The following NTRK2 variants were observed in gnomAD, a reference collection of about 807,000 sequenced individuals.
NTRK2 encodes the protein BDNF/NT-3 growth factors receptor.
In NTRK2, 13 loss-of-function variants were observed where a neutral mutation model predicts 94.5. The ratio of observed to expected loss-of-function variants is 0.14; its 90% CI spans 0.09 to 0.22. The LOEUF (loss-of-function observed/expected upper bound fraction) is 0.22, where lower values mean the gene tolerates loss of function less well. Among genes scored for constraint, NTRK2 ranks in the 10% least tolerant of loss-of-function variants. The pLI is 1.00. For missense variants in NTRK2, 639 were observed against 1,071.2 expected (o/e 0.60, Z 5.63); for synonymous variants, 372 against 407.4 (o/e 0.91, Z 1.05).
At chr9:84,860,971 A>G (rs951460734) in intron 12 of NTRK2, 69 bp from the exon 13 acceptor site, 2 of 1,089,266 alleles carry the variant, frequency 1.8e-6, no homozygotes, top group Admixed American at 1.7e-5. Flanking sequence ...TTGACCAAGG[A>G]CAGTGTTGAC....
At chr9:84,949,393 A>G (rs560147933) in intron 16 of NTRK2, among the ~76,000 whole-genome samples, 2 of 152,302 alleles carry the variant, frequency 1.3e-5, no homozygotes, top group African/African-American at 4.8e-5. Context: ...TCACTGGGCT[A>G]TTGATTAGGG....
rs75688177 is a variant in NTRK2 at position 84,851,825 on chromosome 9, C to T, written c.1397-9215C>T. 5.7e-3 allele frequency among the ~76,000 whole-genome samples: 863 copies of T among 152,190 alleles called. 14 individuals are homozygous for T. The highest frequency in any genetic ancestry group is 0.039 in the Admixed American group (590 of 15,290). On this transcript the variant is annotated intron_variant, in intron 12 of 18. Transcript: ENST00000277120. ...ATACAATGGCAAAAAGTTTCCTGTGCGGTGCTTTGCATGAGCTACAACAAA... is the reference window on the plus strand; with the variant it reads ...ATACAATGGCAAAAAGTTTCCTGTGTGGTGCTTTGCATGAGCTACAACAAA...
At chr9:84,753,681 C>A (rs1223873395) in intron 12 of NTRK2, among the ~76,000 whole-genome samples, 1 of 152,196 alleles carries the variant, frequency 6.6e-6, no homozygotes, top group African/African-American at 2.4e-5. Context: ...CCGCACCCTA[C>A]CATGGCATTT....
At chr9:84,808,857 G>A (rs2071421168) in intron 12 of NTRK2, among the ~76,000 whole-genome samples, 2 of 152,200 alleles carry the variant, frequency 1.3e-5, no homozygotes, top group South Asian at 4.1e-4. Context: ...ATTGGTGGTG[G>A]TACTTACGGT....
chr9:84,914,350 A>G (rs889523122), intron 14 of NTRK2, among the ~76,000 whole-genome samples: 5 of 152,156 alleles, frequency 3.3e-5, no homozygotes, highest in Non-Finnish European at 5.9e-5. Context: ...TGTTCTTTTT[A>G]AACTTCAGTT....
chr9:84,900,534 G>C (rs899224665), intron 14 of NTRK2, among the ~76,000 whole-genome samples: 17 of 152,178 alleles, frequency 1.1e-4, no homozygotes, highest in African/African-American at 3.9e-4. Context: ...GGCATCTGTG[G>C]TTTCCTGTTC....
At chr9:84,701,778 T>C (rs1387127808) in intron 2 of NTRK2, among the ~76,000 whole-genome samples, 1 of 152,238 alleles carries the variant, frequency 6.6e-6, no homozygotes, top group Non-Finnish European at 1.5e-5. Context: ...TGTGCAGTGA[T>C]GACAGCAGCA....
intron 2 of NTRK2, among the ~76,000 whole-genome samples, chr9:84,675,543 C>T (rs1176661037): frequency 6.6e-6 from 1 of 151,862 alleles, no homozygotes; most frequent in Non-Finnish European, 1.5e-5. Context: ...AAAGACCTGC[C>T]CCTTGGAACA....
chr9:84,678,671 G>C (rs1371560172), intron 2 of NTRK2, among the ~76,000 whole-genome samples: 1 of 152,042 alleles, frequency 6.6e-6, no homozygotes. Context: ...ATAGCCCCTA[G>C]ATTCCCTGGT....
At chr9:84,919,130 G>A (rs1035533300) in intron 14 of NTRK2, among the ~76,000 whole-genome samples, 5 of 152,032 alleles carry the variant, frequency 3.3e-5, no homozygotes, top group Non-Finnish European at 1.5e-5. Flanking sequence ...ACCCTGCCTC[G>A]GTGCCTTGCT....
At chr9:84,993,304 C>G (rs1829326123) in intron 17 of NTRK2, among the ~76,000 whole-genome samples, 2 of 152,212 alleles carry the variant, frequency 1.3e-5, no homozygotes, top group Admixed American at 1.3e-4. Flanking sequence ...GCTCAGGTTT[C>G]ACTTTGGAGA....
intron 14 of NTRK2, chr9:84,877,023 C>T (rs550296184): frequency 9.4e-7 from 1 of 1,062,504 alleles, no homozygotes; most frequent in African/African-American, 1.6e-5. Context: ...CCATTGATTT[C>T]CATACTCCTG....
intron 14 of NTRK2, among the ~76,000 whole-genome samples, chr9:84,921,810 G>T (rs772522505): frequency 9.9e-5 from 15 of 152,170 alleles, no homozygotes; most frequent in Non-Finnish European, 2.1e-4. Flanking sequence ...CTGAGCAGAA[G>T]TTATAAGCAT....
In NTRK2 at chr9:84,772,513, G is replaced by A. The variant is rs78302750; in HGVS notation, c.1396+20428G>A. Among the ~76,000 whole-genome samples the A allele has an allele frequency of 4.7e-3, 708 of 152,248 alleles. 8 individuals are homozygous for A. Among genetic ancestry groups the A allele is most frequent in the African/African-American group, 0.016 (669 of 41,566 alleles). ...TCTGCCCACCTCGGCCTCCCAAGGT[G>A]CTGATAAACATTTTACTGAGCATGT... On this transcript the variant is annotated intron_variant, in intron 12 of 18. Coordinates refer to ENST00000277120, the MANE Select transcript of NTRK2 (RefSeq NM_006180.6).
At chr9:84,834,104 A>C (rs1018882967) in intron 12 of NTRK2, among the ~76,000 whole-genome samples, 6 of 152,196 alleles carry the variant, frequency 3.9e-5, no homozygotes, top group African/African-American at 1.4e-4. Context: ...GGGCATTTTC[A>C]TACAGAACTT....
intron 12 of NTRK2, among the ~76,000 whole-genome samples, chr9:84,828,750 T>A: frequency 6.6e-6 from 1 of 152,168 alleles, no homozygotes; most frequent in East Asian, 1.9e-4. Context: ...AAGTGAAATA[T>A]TTAGTTATTA....
chr9:84,706,678 C>T (rs564853477), intron 4 of NTRK2, among the ~76,000 whole-genome samples: 31 of 151,724 alleles, frequency 2.0e-4, no homozygotes, highest in East Asian at 5.8e-4. Flanking sequence ...TACAGGTGCC[C>T]GCCACCGCCT....
Position 84,920,418 on chromosome 9 carries a change from G to A in NTRK2, c.1634-13744G>A, listed in dbSNP as rs181892681. 3.8e-3 allele frequency among the ~76,000 whole-genome samples: 574 copies of A among 152,196 alleles called. 7 individuals carry two copies. The highest frequency in any genetic ancestry group is 8.2e-3 in the Admixed American group (126 of 15,282). On this transcript the variant is annotated intron_variant, in intron 14 of 18. Coordinates refer to ENST00000277120, the MANE Select transcript of NTRK2 (RefSeq NM_006180.6). ...TTTTTGGCCTAAGGATAAATAACAG[G>A]CTATCTGGTATGCTTCCAGACTGGA...
intron 17 of NTRK2, among the ~76,000 whole-genome samples, chr9:84,960,345 G>T (rs565250799): frequency 4.9e-4 from 75 of 152,288 alleles, no homozygotes; most frequent in African/African-American, 1.8e-3. Context: ...GTTTCCAAGG[G>T]TTGATGAACT....
Sources: allele counts gnomAD v4.1 joint callset (sites outside exome capture counted in the v4.1 genomes callset), GRCh38; gene constraint gnomAD v4.1.1; transcripts MANE v1.5; gene names NCBI Gene and HGNC (gene_info 2026-07-23, HGNC 2026-07-21).